PCDH9: variants seen among roughly 807,000 people sequenced by gnomAD.
PCDH9 encodes protocadherin 9.
A neutral mutation model predicts 70.6 loss-of-function variants in PCDH9; 24 were observed. The observed-to-expected ratio is 0.34, with a 90% confidence interval of 0.25 to 0.48. The LOEUF (loss-of-function observed/expected upper bound fraction) is 0.48. Among genes scored for constraint, PCDH9 ranks in the 20% least tolerant of loss-of-function variants. The pLI is 0.99. For missense variants in PCDH9, 1,281 were observed against 1,503.6 expected, an observed-to-expected ratio of 0.85 and a Z score of 2.45; for synonymous variants, 562 against 558.5, an observed-to-expected ratio of 1.01 and a Z score of -0.09.
chr13:66,771,993 C>T (rs1446365559), intron 3 of PCDH9, among the ~76,000 whole-genome samples: 1 of 152,122 alleles, frequency 6.6e-6, no homozygotes, highest in African/African-American at 2.4e-5. Flanking sequence ...CTATTTTTAG[C>T]AGACTACCAC....
At chr13:66,895,691 T>C (rs2082166423) in intron 3 of PCDH9, among the ~76,000 whole-genome samples, 1 of 152,222 alleles carries the variant, frequency 6.6e-6, no homozygotes, top group Non-Finnish European at 1.5e-5. Context: ...GCAGCTGTAT[T>C]TTCCTCTCAC....
chr13:66,471,660 C>A (rs1049393739), intron 4 of PCDH9, among the ~76,000 whole-genome samples: 3 of 151,968 alleles, frequency 2.0e-5, no homozygotes, highest in Admixed American at 6.6e-5. Flanking sequence ...TAATTATTAT[C>A]TTTTTTCACA....
intron 4 of PCDH9, among the ~76,000 whole-genome samples, chr13:66,505,368 G>A (rs1959200715): frequency 6.6e-6 from 1 of 152,030 alleles, no homozygotes; most frequent in Non-Finnish European, 1.5e-5. Context: ...AGGCAAGAGG[G>A]CATGTAAGGG....
At chr13:67,053,396 T>C (rs757329226) in intron 2 of PCDH9, among the ~76,000 whole-genome samples, 2 of 152,052 alleles carry the variant, frequency 1.3e-5, no homozygotes, top group Admixed American at 6.6e-5. Context: ...CAAAGTGTCA[T>C]AGAATAAAGA....
chr13:66,671,954 C>G lies in PCDH9; in HGVS notation c.3139-40543G>C, dbSNP rs148887649. 2.6e-3 allele frequency among the ~76,000 whole-genome samples: 393 copies of G among 152,266 alleles called. 4 individuals carry two copies. Among genetic ancestry groups the G allele is most frequent in the African/African-American group, 9.0e-3 (374 of 41,554 alleles). On this transcript the variant is annotated intron_variant, in intron 3 of 4. Transcript: ENST00000377865. Reference sequence around the variant, plus strand: ...ATAATGAGGAGCCAAATGTTAATCACCAAAACAATGGGAAAAATATTTCCA... The same window carrying G: ...ATAATGAGGAGCCAAATGTTAATCAGCAAAACAATGGGAAAAATATTTCCA...
At chr13:66,409,944 T>C (rs2138319817) in intron 4 of PCDH9, among the ~76,000 whole-genome samples, 1 of 152,266 alleles carries the variant, frequency 6.6e-6, no homozygotes, top group South Asian at 2.1e-4. Context: ...AGGTTCCCAG[T>C]AGTCACCTAA....
intron 2 of PCDH9, among the ~76,000 whole-genome samples, chr13:67,040,419 G>A (rs904352645): frequency 6.6e-6 from 1 of 152,158 alleles, no homozygotes; most frequent in Non-Finnish European, 1.5e-5. Context: ...ACATCAGCCT[G>A]GGTAACATAG....
intron 2 of PCDH9, among the ~76,000 whole-genome samples, chr13:67,132,357 C>A (rs1158477900): frequency 6.6e-6 from 1 of 152,070 alleles, no homozygotes; most frequent in Admixed American, 6.6e-5. Flanking sequence ...TTCCCCCATG[C>A]CTGTTCATCT....
chr13:67,020,959 G>A (rs940020097), intron 2 of PCDH9, among the ~76,000 whole-genome samples: 1 of 152,116 alleles, frequency 6.6e-6, no homozygotes, highest in Non-Finnish European at 1.5e-5. Flanking sequence ...GGTTAAACAA[G>A]ACCATTCAAA....
chr13:66,660,956 T>C (rs573731264), intron 3 of PCDH9, among the ~76,000 whole-genome samples: 31 of 152,232 alleles, frequency 2.0e-4, no homozygotes, highest in African/African-American at 6.5e-4. Context: ...TAGTACATTA[T>C]AAATATCTGA....
At chr13:66,833,561 G>T (rs1037328019) in intron 3 of PCDH9, among the ~76,000 whole-genome samples, 1 of 152,098 alleles carries the variant, frequency 6.6e-6, no homozygotes, top group African/African-American at 2.4e-5. Flanking sequence ...TTGGAATTGG[G>T]CACAATTTCT....
At chr13:67,048,317 A>G (rs1018981940) in intron 2 of PCDH9, among the ~76,000 whole-genome samples, 1 of 152,156 alleles carries the variant, frequency 6.6e-6, no homozygotes, top group Non-Finnish European at 1.5e-5. Flanking sequence ...AGTGGTTTGC[A>G]AACACTGCAT....
At chr13:66,681,418 G>C (rs1384755991) in intron 3 of PCDH9, among the ~76,000 whole-genome samples, 1 of 152,060 alleles carries the variant, frequency 6.6e-6, no homozygotes, top group East Asian at 1.9e-4. Flanking sequence ...CTAATGAAGT[G>C]AATCTCTCTC....
intron 2 of PCDH9, among the ~76,000 whole-genome samples, chr13:67,027,006 G>A (rs539991779): frequency 4.7e-4 from 72 of 152,092 alleles, no homozygotes; most frequent in African/African-American, 1.7e-3. Flanking sequence ...AATTTATAGA[G>A]TCAATGCCAT....
intron 4 of PCDH9, among the ~76,000 whole-genome samples, chr13:66,488,906 G>GA (rs1409699119): frequency 1.3e-5 from 2 of 152,048 alleles, no homozygotes; most frequent in Admixed American, 6.6e-5. Flanking sequence ...AACCAACCTA[G>GA]AAAAATGGTT....
At chr13:67,080,423 T>C (rs550043423) in intron 2 of PCDH9, among the ~76,000 whole-genome samples, 2 of 152,174 alleles carry the variant, frequency 1.3e-5, no homozygotes, top group Non-Finnish European at 2.9e-5. Context: ...CAATGAGAAA[T>C]GTGTAAAATG....
intron 2 of PCDH9, among the ~76,000 whole-genome samples, chr13:67,011,267 G>A (rs922728150): frequency 6.6e-6 from 1 of 151,778 alleles, no homozygotes; most frequent in Non-Finnish European, 1.5e-5. Context: ...AAAAATATGT[G>A]TCTATATCCT....
At chr13:66,676,859 T>A (rs568846064) in intron 3 of PCDH9, among the ~76,000 whole-genome samples, 18 of 152,220 alleles carry the variant, frequency 1.2e-4, no homozygotes, top group East Asian at 1.2e-3. Context: ...TACAGAAACA[T>A]AATTTTCTGT....
At chr13:66,851,549 C>G (rs1441247328) in intron 3 of PCDH9, among the ~76,000 whole-genome samples, 4 of 150,122 alleles carry the variant, frequency 2.7e-5, no homozygotes, top group Non-Finnish European at 4.4e-5. Flanking sequence ...TGCCTGAGTT[C>G]TATGTAACAC....
Sources: gnomAD v4.1 joint callset for allele counts (sites outside exome capture counted in the v4.1 genomes callset) on GRCh38, gnomAD v4.1.1 for gene constraint, MANE v1.5 for transcripts, NCBI Gene and HGNC (gene_info 2026-07-23, HGNC 2026-07-21) for gene names.